The following SULT2B1 variants were observed in gnomAD, a reference collection of about 807,000 sequenced individuals.
SULT2B1 encodes the protein sulfotransferase 2B1.
SULT2B1 carries 16 observed loss-of-function variants against 33.2 expected under a neutral mutation model. The observed-to-expected ratio is 0.48, with a 90% CI of 0.33 to 0.73. The LOEUF (loss-of-function observed/expected upper bound fraction) is 0.73. Ranked by LOEUF, SULT2B1 falls within the 30% of genes least tolerant of loss-of-function variation. The pLI is 0.02. For missense variants in SULT2B1, 500 were observed against 506.0 expected (o/e 0.99, Z 0.11); for synonymous variants, 186 against 200.5 (o/e 0.93, Z 0.61).
chr19:48,592,518 C>A (rs3815692), intron 4 of SULT2B1, among the ~76,000 whole-genome samples: 11,823 of 152,132 alleles, frequency 0.078, 604 homozygotes, highest in East Asian at 0.18. Flanking sequence ...AGACAAAGGC[C>A]CCCCAAGATG....
intron 2 of SULT2B1, among the ~76,000 whole-genome samples, chr19:48,585,810 C>G (rs1208457402): frequency 6.6e-6 from 1 of 151,986 alleles, no homozygotes; most frequent in Admixed American, 6.6e-5. Flanking sequence ...GCACATGTAC[C>G]CTAAAACTTA....
At chr19:48,562,940 A>C (rs1973199993) in intron 1 of SULT2B1, among the ~76,000 whole-genome samples, 1 of 152,178 alleles carries the variant, frequency 6.6e-6, no homozygotes, top group South Asian at 2.1e-4. Flanking sequence ...TTGGCCTCCC[A>C]AAGTGCTGGG....
chr19:48,572,557 G>C (rs1973345468), intron 1 of SULT2B1, among the ~76,000 whole-genome samples: 1 of 151,356 alleles, frequency 6.6e-6, no homozygotes, highest in Non-Finnish European at 1.5e-5. Flanking sequence ...CCTGTGTCGA[G>C]GTGGAAGGAG....
chr19:48,566,708 A>G (rs2665599), intron 1 of SULT2B1, among the ~76,000 whole-genome samples: 19,887 of 151,950 alleles, frequency 0.13, 1,421 homozygotes, highest in African/African-American at 0.16. Context: ...TGGGCGTGGC[A>G]GTGTGCTCCT....
chr19:48,572,757 AGAG>A (rs1973347538), intron 1 of SULT2B1, among the ~76,000 whole-genome samples: 1 of 151,830 alleles, frequency 6.6e-6, no homozygotes, highest in South Asian at 2.1e-4. Flanking sequence ...GCCCACAGGG[AGAG>A]GAGAAGGCCT....
chr19:48,561,016 C>G (rs369680093), intron 1 of SULT2B1, among the ~76,000 whole-genome samples: 4 of 151,990 alleles, frequency 2.6e-5, no homozygotes, highest in Admixed American at 6.6e-5. Context: ...CCCGTAATCC[C>G]AGCTACTCGG....
rs528826163 is a variant in SULT2B1 at position 48,568,132 on chromosome 19, G to T, written c.72-7809G>T. ...TACAAAAAATTTAAGAATTAGCTGA[G>T]TGTGGTGGCACACACCTGTAGTCCC... is the stretch of plus-strand genomic sequence containing the variant. On this transcript the variant is annotated intron_variant, in intron 1 of 6. Coordinates refer to ENST00000201586, the MANE Select transcript of SULT2B1 (RefSeq NM_177973.2). Among the ~76,000 whole-genome samples, 9 of 152,048 alleles carry T rather than the reference G, an allele frequency of 5.9e-5. No individual in the cohort carries two copies. In the East Asian group the frequency reaches 1.6e-3, roughly 26 times the overall value.
At chr19:48,597,422 C>T (rs563175723) in intron 6 of SULT2B1, among the ~76,000 whole-genome samples, 23 of 149,718 alleles carry the variant, frequency 1.5e-4, no homozygotes, top group South Asian at 6.3e-4. Context: ...CGGCTCACTG[C>T]GACCTCCACC....
intron 5 of SULT2B1, among the ~76,000 whole-genome samples, chr19:48,593,184 G>C (rs1257685278): frequency 6.6e-6 from 1 of 152,166 alleles, no homozygotes; most frequent in Non-Finnish European, 1.5e-5. Flanking sequence ...GAGCCCAAGA[G>C]GTCAAGGCCA....
intron 1 of SULT2B1, among the ~76,000 whole-genome samples, chr19:48,555,549 CCTCTCTCT>C (rs142655043): frequency 0.021 from 2,595 of 124,168 alleles, 54 homozygotes; most frequent in East Asian, 0.044. Flanking sequence ...CCAGAGACAT[CCTCTCTCT>C]CTCTCTCTCT....
Position 48,561,390 on chromosome 19 carries a change from T to C in SULT2B1, c.71+9067T>C, listed in dbSNP as rs552475246. Among the ~76,000 whole-genome samples the C allele has an allele frequency of 2.9e-4, 44 of 150,830 alleles. No homozygotes were observed. In the East Asian group the frequency reaches 7.3e-3, roughly 25 times the overall value. ...GTTGCAGTGAGCCGAGATCGTGCCA[T>C]TGCACTCCAGCCTGGGCAACAAGAG... On this transcript the variant is annotated intron_variant, in intron 1 of 6. Coordinates refer to ENST00000201586, the MANE Select transcript of SULT2B1 (RefSeq NM_177973.2).
intron 2 of SULT2B1, among the ~76,000 whole-genome samples, chr19:48,580,619 T>C (rs766328567): frequency 6.6e-6 from 1 of 151,816 alleles, no homozygotes; most frequent in African/African-American, 2.4e-5. Flanking sequence ...TTGCCCCACA[T>C]CTTCTCCAGT....
chr19:48,585,118 A>G (rs1973545763), intron 2 of SULT2B1, among the ~76,000 whole-genome samples: 2 of 149,410 alleles, frequency 1.3e-5, no homozygotes, highest in Non-Finnish European at 3.0e-5. Context: ...AGGTGGGAGG[A>G]TCACTTGAGC....
In SULT2B1 at chr19:48,592,354, A is replaced by G. The variant is rs373488842; in HGVS notation, c.551-368A>G. 2.3e-3 allele frequency among the ~76,000 whole-genome samples: 354 copies of G among 152,338 alleles called. 3 individuals carry two copies. The highest frequency in any genetic ancestry group is 8.0e-3 in the African/African-American group (333 of 41,578). ...TGCAGAAAGAGAGATGGAGTCAGAGAGAGACAGGGAGAGACAAGGAAACAG... is the reference window on the plus strand; with the variant it reads ...TGCAGAAAGAGAGATGGAGTCAGAGGGAGACAGGGAGAGACAAGGAAACAG... On this transcript the variant is annotated intron_variant, in intron 4 of 6. Coordinates refer to ENST00000201586, the MANE Select transcript of SULT2B1 (RefSeq NM_177973.2).
Position 48,571,151 on chromosome 19 carries a change from G to A in SULT2B1, c.72-4790G>A, listed in dbSNP as rs1354235089. The stretch of plus-strand genomic sequence containing the variant: ...TCTTCCCACCTCAGCTTCCTGAGCA[G>A]CTGTGACTACAGGTACAGGCCACCA... On this transcript the variant is annotated intron_variant, in intron 1 of 6. Coordinates refer to ENST00000201586, the MANE Select transcript of SULT2B1 (RefSeq NM_177973.2). Among the ~76,000 whole-genome samples the A allele has an allele frequency of 7.2e-5, 11 of 151,870 alleles. No homozygotes were observed. The Admixed American group carries it at 7.3e-4, about 10-fold the overall frequency.
At chr19:48,592,329 T>C (rs1568413590) in intron 4 of SULT2B1, among the ~76,000 whole-genome samples, 2 of 150,912 alleles carry the variant, frequency 1.3e-5, no homozygotes, top group Admixed American at 6.6e-5. Context: ...AGGAAATAAA[T>C]GCAGAAAGAG....
Position 48,591,621 on chromosome 19 carries a change from G to A in SULT2B1, c.436G>A (p.Gly146Ser). The A allele has an allele frequency of 6.2e-7, 1 of 1,612,930 alleles. No homozygotes were observed. Among genetic ancestry groups the A allele is most frequent in the East Asian group, 2.2e-5 (1 of 44,824 alleles). ...FSSKAKVIYM[G>S]RNPRDVVVSL... is the part of the protein sequence containing the mutation. The stretch of plus-strand genomic sequence containing the variant: ...CATCCGCACACAGGTGATCTACATG[G>A]GCCGCAACCCCCGGGACGTTGTGGT... Residue 146 changes from glycine to serine, a missense_variant, in exon 4 of 7, where the codon GGC becomes AGC. Physicochemically the swap from Gly to Ser is moderately conservative, Grantham distance 56. Transcript: ENST00000201586.
intron 1 of SULT2B1, among the ~76,000 whole-genome samples, chr19:48,558,679 C>CTTTTTTTTTTTTTTTTT (rs869189397): frequency 4.0e-4 from 42 of 106,148 alleles, no homozygotes; most frequent in Non-Finnish European, 5.6e-4. Context: ...CTTTTCTTTT[C>CTTTTTTTTTTTTTTTTT]TTTTTTTTTT....
chr19:48,555,890 C>G (rs773525757), intron 1 of SULT2B1, among the ~76,000 whole-genome samples: 4 of 152,138 alleles, frequency 2.6e-5, no homozygotes, highest in Non-Finnish European at 5.9e-5. Flanking sequence ...CAGGCACACT[C>G]TACCATGCCC....
Sources: allele counts gnomAD v4.1 joint callset (sites outside exome capture counted in the v4.1 genomes callset), GRCh38; gene constraint gnomAD v4.1.1; transcripts MANE v1.5; gene names NCBI Gene and HGNC (gene_info 2026-07-23, HGNC 2026-07-21).